The following ACOT1 variants were observed in gnomAD, a reference collection of about 807,000 sequenced individuals.
The protein encoded by ACOT1 is acyl-CoA thioesterase 1.
In ACOT1, 8 loss-of-function variants were observed where a neutral mutation model predicts 15.7. That is an observed-to-expected ratio of 0.51 (90% CI 0.30 to 0.92). ACOT1 has a LOEUF of 0.92. Ranked by LOEUF, ACOT1 falls within the 40% of genes least tolerant of loss-of-function variation. The probability of loss-of-function intolerance (pLI) is 0.06; values close to 1 mark genes in which losing one functional copy is unlikely to be tolerated. For missense variants in ACOT1, 151 were observed against 539.4 expected, an observed-to-expected ratio of 0.28 and a Z score of 7.13; for synonymous variants, 67 against 241.2, an observed-to-expected ratio of 0.28 and a Z score of 6.69.
the ACOT1 span, among the ~76,000 whole-genome samples, chr14:73,500,001 G>A: frequency 3.3e-5 from 5 of 152,180 alleles, no homozygotes; most frequent in East Asian, 3.9e-4. Flanking sequence ...AGGCCGAGGC[G>A]GGCGGATCAC....
the ACOT1 span, chr14:73,512,216 G>A: frequency 1.9e-6 from 3 of 1,567,116 alleles, no homozygotes; most frequent in Non-Finnish European, 2.6e-6. Flanking sequence ...GCTGCAGGCA[G>A]GTGACAAGAA....
chr14:73,509,811 C>CATAT, the ACOT1 span, among the ~76,000 whole-genome samples: 45 of 19,494 alleles, frequency 2.3e-3, 2 homozygotes, highest in Non-Finnish European at 3.9e-3. Context: ...CCCATGAGCC[C>CATAT]ATATATATAT....
At chr14:73,513,474 A>G in the ACOT1 span, among the ~76,000 whole-genome samples, 1 of 149,024 alleles carries the variant, frequency 6.7e-6, no homozygotes, top group African/African-American at 2.5e-5. Flanking sequence ...AAAAGAAAAA[A>G]GGGCTGGCGC....
At chr14:73,496,740 T>A in the ACOT1 span, 1 of 890,682 alleles carries the variant, frequency 1.1e-6, no homozygotes, top group Non-Finnish European at 1.9e-6. Flanking sequence ...AGTATGGGGG[T>A]AGAAAATATA....
the ACOT1 span, among the ~76,000 whole-genome samples, chr14:73,495,061 CA>C: frequency 0.65 from 96,769 of 149,408 alleles, 31,188 homozygotes; most frequent in South Asian, 0.7. Flanking sequence ...AACAAACAAA[CA>C]AAAAAAAAAC....
At chr14:73,526,512 C>T in the ACOT1 span, among the ~76,000 whole-genome samples, 1 of 151,728 alleles carries the variant, frequency 6.6e-6, no homozygotes, top group Non-Finnish European at 1.5e-5. Flanking sequence ...GACAGGGCAG[C>T]TCAGGGAGAG....
At chr14:73,497,574 T>C in the ACOT1 span, among the ~76,000 whole-genome samples, 29,744 of 152,178 alleles carry the variant, frequency 0.2, 3,370 homozygotes, top group East Asian at 0.41. Context: ...TAAAACTTGT[T>C]GTCCCAATAG....
the ACOT1 span, chr14:73,508,153 C>T: frequency 2.5e-6 from 4 of 1,614,028 alleles, no homozygotes; most frequent in Non-Finnish European, 3.4e-6. Context: ...ACTCAGATAG[C>T]TCAGGAGGAT....
At chr14:73,506,651 G>A in the ACOT1 span, 306 of 1,074,790 alleles carry the variant, frequency 2.8e-4, 1 homozygote, top group Non-Finnish European at 7.7e-5. Flanking sequence ...TTCTGAAATG[G>A]CATCCTGCAT....
At chr14:73,506,802 C>CTTTTTTTTTTT in the ACOT1 span, among the ~76,000 whole-genome samples, 56 of 57,952 alleles carry the variant, frequency 9.7e-4, no homozygotes, top group African/African-American at 5.4e-3. Flanking sequence ...CTGACTTTAA[C>CTTTTTTTTTTT]TGTTTTTTTT....
chr14:73,495,178 G>A, the ACOT1 span: 1 of 1,530,382 alleles, frequency 6.5e-7, no homozygotes, highest in Non-Finnish European at 8.9e-7. Context: ...GATCCTGGAA[G>A]AGGCTTATTA....
At chr14:73,535,444 C>A (rs576317424), upstream of ACOT1, among the ~76,000 whole-genome samples, 2 of 87,030 alleles carry the variant, frequency 2.3e-5, no homozygotes, top group African/African-American at 6.9e-5. Flanking sequence ...GAACCCTCTC[C>A]CTTTTTCTTT....
chr14:73,536,496 G>A (rs1888866209), upstream of ACOT1, among the ~76,000 whole-genome samples: 1 of 86,316 alleles, frequency 1.2e-5, no homozygotes. Context: ...GACTGGCAAC[G>A]TAGTGAGACC....
the ACOT1 span, chr14:73,500,774 A>G: frequency 6.3e-7 from 1 of 1,582,668 alleles, no homozygotes; most frequent in Admixed American, 1.7e-5. Flanking sequence ...TTAAACTTTC[A>G]GTACCTAACC....
chr14:73,511,612 C>A, the ACOT1 span, among the ~76,000 whole-genome samples: 2 of 150,458 alleles, frequency 1.3e-5, no homozygotes, highest in African/African-American at 4.9e-5. Context: ...CAGTGGCTCA[C>A]GCCTGTAATC....
At chr14:73,512,092 T>C in the ACOT1 span, 2 of 1,614,190 alleles carry the variant, frequency 1.2e-6, no homozygotes, top group Admixed American at 3.3e-5. Flanking sequence ...AACGTCATCA[T>C]GCAGGTCTCC....
chr14:73,526,802 T>C, the ACOT1 span, among the ~76,000 whole-genome samples: 8 of 152,356 alleles, frequency 5.3e-5, no homozygotes, highest in East Asian at 1.5e-3. Flanking sequence ...TAAGCAGTTC[T>C]GGCCACAGGC....
chr14:73,518,471 C>T, the ACOT1 span, among the ~76,000 whole-genome samples: 6 of 152,042 alleles, frequency 3.9e-5, no homozygotes, highest in Non-Finnish European at 4.4e-5. Flanking sequence ...CCACTGGGCC[C>T]ATCTGAACAG....
the ACOT1 span, among the ~76,000 whole-genome samples, chr14:73,524,336 T>TATATATATATATATATATA: frequency 3.7e-5 from 5 of 134,548 alleles, no homozygotes; most frequent in African/African-American, 5.7e-5. Flanking sequence ...TATATATATA[T>TATATATATATATATATATA]TATAGCTGTA....
Sources: allele counts gnomAD v4.1 joint callset (sites outside exome capture counted in the v4.1 genomes callset), GRCh38; gene constraint gnomAD v4.1.1; transcripts MANE v1.5; gene names NCBI Gene and HGNC (gene_info 2026-07-23, HGNC 2026-07-21).